The following LRTM3 variants were observed in gnomAD, a reference collection of about 807,000 sequenced individuals.
LRTM3 encodes the protein leucine-rich repeat transmembrane protein 3.
At chr13:102,729,967 T>G in the LRTM3 span, 1 of 1,551,900 alleles carries the variant, frequency 6.4e-7, no homozygotes, top group Non-Finnish European at 8.7e-7. Flanking sequence ...AGTAACTTGT[T>G]CTGCTCTTGG....
At chr13:102,755,927 G>A in the LRTM3 span, among the ~76,000 whole-genome samples, 51,726 of 111,570 alleles carry the variant, frequency 0.46, 12,199 homozygotes, top group South Asian at 0.57. Context: ...GTGTGTGTGT[G>A]TGTGTATATA....
the LRTM3 span, chr13:102,731,666 C>A: frequency 6.4e-7 from 1 of 1,551,446 alleles, no homozygotes; most frequent in East Asian, 2.4e-5. Flanking sequence ...GGTTGCTTCA[C>A]AAATGGGAAG....
At chr13:102,738,660 C>T in the LRTM3 span, 3 of 1,550,372 alleles carry the variant, frequency 1.9e-6, no homozygotes, top group Admixed American at 3.9e-5. Flanking sequence ...GCTGTTTTCT[C>T]TGTATCTGAT....
chr13:102,736,139 C>T, the LRTM3 span: 5 of 1,542,894 alleles, frequency 3.2e-6, no homozygotes, highest in Non-Finnish European at 4.4e-6. Context: ...TCTGCTTTTT[C>T]CTGCACCTGA....
chr13:102,743,447 C>T, the LRTM3 span: 2 of 1,550,398 alleles, frequency 1.3e-6, no homozygotes, highest in Non-Finnish European at 1.7e-6. Context: ...AAGTTTCTTC[C>T]TATGTTTTGT....
chr13:102,732,389 T>G, the LRTM3 span: 13 of 1,551,318 alleles, frequency 8.4e-6, no homozygotes, highest in South Asian at 1.4e-4. Flanking sequence ...TGGAATTGGG[T>G]GATTCTGGAT....
At chr13:102,742,374 G>C in the LRTM3 span, 5 of 1,546,370 alleles carry the variant, frequency 3.2e-6, no homozygotes, top group South Asian at 4.8e-5. Context: ...GATGTGTAGG[G>C]ATTAGGATAA....
the LRTM3 span, chr13:102,748,135 A>G: frequency 1.3e-6 from 2 of 1,551,032 alleles, no homozygotes; most frequent in African/African-American, 1.4e-5. Context: ...GTGTTTCTGT[A>G]TCAGGTAGTT....
At chr13:102,737,726 CTA>C in the LRTM3 span, 1 of 1,550,780 alleles carries the variant, frequency 6.4e-7, no homozygotes, top group Non-Finnish European at 8.7e-7. Context: ...TTCACTTGCG[CTA>C]TCACCCTCAC....
At chr13:102,742,750 C>A in the LRTM3 span, 1 of 1,550,696 alleles carries the variant, frequency 6.4e-7, no homozygotes, top group South Asian at 1.2e-5. Context: ...GTCTGCCATT[C>A]TGTCTTTTCA....
chr13:102,743,522 CA>C, the LRTM3 span: 1 of 1,548,856 alleles, frequency 6.5e-7, no homozygotes, highest in Non-Finnish European at 8.7e-7. Flanking sequence ...CATAGTTAAA[CA>C]TTTGGGATTC....
At chr13:102,742,272 T>C in the LRTM3 span, 1 of 1,550,354 alleles carries the variant, frequency 6.5e-7, no homozygotes, top group South Asian at 1.2e-5. Context: ...GTTATTCTTT[T>C]TGCCTTCAAT....
chr13:102,742,139 T>C, the LRTM3 span: 1 of 1,550,492 alleles, frequency 6.4e-7, no homozygotes, highest in East Asian at 2.4e-5. Flanking sequence ...TCCAGAGTCA[T>C]AAACAGCCTT....
the LRTM3 span, chr13:102,733,716 T>G: frequency 6.4e-7 from 1 of 1,551,340 alleles, no homozygotes; most frequent in Non-Finnish European, 8.7e-7. Context: ...GTGAAATAAA[T>G]GTCCTCATCC....
chr13:102,737,215 T>C, the LRTM3 span: 1 of 1,551,118 alleles, frequency 6.4e-7, no homozygotes, highest in South Asian at 1.2e-5. Context: ...TGTATTCTTG[T>C]ACTGTTTTTA....
chr13:102,738,900 A>T, the LRTM3 span: 1 of 1,550,558 alleles, frequency 6.4e-7, no homozygotes, highest in Non-Finnish European at 8.7e-7. Context: ...ATTCTTTTGG[A>T]ATGCATGATT....
At chr13:102,729,393 A>G in the LRTM3 span, 1 of 1,281,078 alleles carries the variant, frequency 7.8e-7, no homozygotes, top group Non-Finnish European at 1.0e-6. Flanking sequence ...TGTATTTTTC[A>G]CAGAATATCA....
the LRTM3 span, among the ~76,000 whole-genome samples, chr13:102,751,264 C>G: frequency 6.6e-6 from 1 of 151,866 alleles, no homozygotes; most frequent in African/African-American, 2.4e-5. Flanking sequence ...TTGACTTAAA[C>G]TGCACACTTT....
chr13:102,739,924 G>A, the LRTM3 span: 1 of 1,550,364 alleles, frequency 6.5e-7, no homozygotes, highest in African/African-American at 1.4e-5. Context: ...AGGCACCACA[G>A]TCACTGGTAT....
Sources: allele counts gnomAD v4.1 joint callset (sites outside exome capture counted in the v4.1 genomes callset), GRCh38; gene constraint gnomAD v4.1.1; transcripts MANE v1.5; gene names NCBI Gene and HGNC (gene_info 2026-07-23, HGNC 2026-07-21).